Variants in ALG12 observed in about 807,000 individuals in gnomAD.
The protein encoded by ALG12 is ALG12 alpha-1,6-mannosyltransferase.
ALG12 carries 36 observed loss-of-function variants against 46.0 expected under a neutral mutation model. The ratio of observed to expected loss-of-function variants is 0.78; its 90% CI spans 0.60 to 1.03. ALG12 has a LOEUF of 1.03. ALG12 is among the 50% of genes least tolerant of loss of function. The pLI, the probability that ALG12 is intolerant of heterozygous loss-of-function variation, is 0.00. For missense variants in ALG12, 599 were observed against 633.5 expected (o/e 0.95, Z 0.58); for synonymous variants, 326 against 291.6 (o/e 1.12, Z -1.20).
In ALG12 at chr22:49,905,489, T is replaced by A. The variant is rs1350575375; in HGVS notation, c.993-983A>T. Among the ~76,000 whole-genome samples, 2 of 152,144 alleles carry A rather than the reference T, an allele frequency of 1.3e-5. No homozygotes were observed. The highest frequency in any genetic ancestry group is 4.8e-5 in the African/African-American group (2 of 41,432). Reference sequence around the variant, plus strand: ...GGAGGTGGAGCCCTCAGGAATGGATTAGCGCCATCCCCTCCATGCTGTTCT... The same window carrying A: ...GGAGGTGGAGCCCTCAGGAATGGATAAGCGCCATCCCCTCCATGCTGTTCT... On this transcript the variant is annotated intron_variant, in intron 7 of 9. Transcript: ENST00000330817. This position sits in a 1 kb window ranked among gnomAD's most constrained non-coding sequence, Gnocchi z 4.9.
intron 1 of ALG12, among the ~76,000 whole-genome samples, chr22:49,917,657 G>A (rs1393138475): frequency 6.6e-6 from 1 of 150,958 alleles, no homozygotes; most frequent in Non-Finnish European, 1.5e-5. Flanking sequence ...GACAAAGTGA[G>A]ACTCCGTCTC....
chr22:49,898,571 G>T (rs2060492698), downstream of ALG12, among the ~76,000 whole-genome samples: 1 of 151,862 alleles, frequency 6.6e-6, no homozygotes, highest in Non-Finnish European at 1.5e-5. Context: ...TGTATTTTTA[G>T]TAGAGACGGG....
rs116765369 is a variant in ALG12, at chr22:49,903,558, C to T, written c.*280G>A. On this transcript the variant is annotated 3_prime_UTR_variant, in exon 10 of 10. Transcript: ENST00000330817. ...AGTCATGAATGGCACCTGGTCTGGG[C>T]GACAGTCACCCGCAGGAAGCCCTGA... is the stretch of plus-strand genomic sequence containing the variant. 7.4e-3 allele frequency: 4,605 copies of T among 622,026 alleles called. 158 individuals are homozygous for T. The highest frequency in any genetic ancestry group is 0.072 in the African/African-American group (4,027 of 55,662). 38.5% of individuals were successfully genotyped at this position (622,026 alleles called of 1,614,324 possible).
At chr22:49,910,332 A>G (rs2060569030) in intron 4 of ALG12, 102 bp downstream of exon 4, 1 of 1,382,154 alleles carries the variant, frequency 7.2e-7, no homozygotes, top group South Asian at 1.2e-5. Flanking sequence ...CCAGTGGGGA[A>G]TGGCCATTAC....
chr22:49,910,211 G>T lies in ALG12; in HGVS notation c.470-123C>A, dbSNP rs1391805336. Reference sequence around the variant, plus strand: ...AAAGCCACACAAATATCCCAGAAAAGAAACTGCTCAGAGCCGCTCCCCGCA... The same window carrying T: ...AAAGCCACACAAATATCCCAGAAAATAAACTGCTCAGAGCCGCTCCCCGCA... On this transcript the variant is annotated intron_variant, in intron 4 of 9. Transcript: ENST00000330817. 5 of 1,281,150 alleles carry T rather than the reference G, an allele frequency of 3.9e-6. No individual in the cohort carries two copies. In the East Asian group the frequency reaches 1.0e-4, roughly 26 times the overall value. The allele number at this position is 1,281,150 out of a possible 1,614,324, so 79.4% of individuals were successfully genotyped here.
the ALG12 span, among the ~76,000 whole-genome samples, chr22:49,865,643 C>T: frequency 1.3e-5 from 2 of 152,054 alleles, no homozygotes; most frequent in African/African-American, 4.8e-5. Flanking sequence ...CCACTGCACT[C>T]CAGTCTGGGC....
At chr22:49,895,137 CATT>C in the ALG12 span, among the ~76,000 whole-genome samples, 1 of 127,106 alleles carries the variant, frequency 7.9e-6, no homozygotes, top group Non-Finnish European at 1.9e-5. Flanking sequence ...AAACCCACTT[CATT>C]ATTTTATAGG....
the ALG12 span, among the ~76,000 whole-genome samples, chr22:49,880,451 C>T: frequency 3.3e-5 from 5 of 152,236 alleles, no homozygotes; most frequent in African/African-American, 7.2e-5. Context: ...TCCGACTCCC[C>T]GCCCCGCAGC....
Position 49,901,588 on chromosome 22 carries a change from T to G in ALG12, c.*2250A>C, listed in dbSNP as rs1165550355. On this transcript the variant is annotated 3_prime_UTR_variant, in exon 10 of 10. Transcript: ENST00000330817. ...TGCATTGTGTGGTGTGTATGCATGG[T>G]GTGTGCACCTGTGCATTGTGTGTGT... 1 of 149,306 alleles carries G rather than the reference T, an allele frequency of 6.7e-6. No homozygotes were observed. The highest frequency in any genetic ancestry group is 1.5e-5 in the Non-Finnish European group (1 of 67,732). 9.2% of individuals were successfully genotyped at this position (149,306 alleles called of 1,614,324 possible).
the ALG12 span, chr22:49,890,059 A>C: frequency 1.3e-4 from 22 of 165,812 alleles, no homozygotes; most frequent in African/African-American, 4.8e-4. Flanking sequence ...AAAAAATAAA[A>C]ACTTTATTTC....
chr22:49,885,841 G>A, the ALG12 span: 1 of 1,497,416 alleles, frequency 6.7e-7, no homozygotes. Flanking sequence ...TGAGAGTGGT[G>A]TGATCCACTT....
At chr22:49,911,725 T>A (rs188774935) in intron 3 of ALG12, among the ~76,000 whole-genome samples, 1 of 152,258 alleles carries the variant, frequency 6.6e-6, no homozygotes, top group East Asian at 1.9e-4. Flanking sequence ...TGAGCCACCA[T>A]GCCCAGTCTG....
chr22:49,882,458 T>C, the ALG12 span, among the ~76,000 whole-genome samples: 5 of 152,242 alleles, frequency 3.3e-5, no homozygotes, highest in Non-Finnish European at 7.3e-5. Flanking sequence ...CTGGTTTTAT[T>C]ATAGAATATT....
Position 49,917,846 on chromosome 22 carries a change from C to T in ALG12, c.-79+417G>A, listed in dbSNP as rs967754862. Among the ~76,000 whole-genome samples, 3 of 137,220 alleles carry T rather than the reference C, an allele frequency of 2.2e-5. No homozygotes were observed. The South Asian group carries it at 7.4e-4, about 34-fold the overall frequency. The allele number at this position is 137,220 out of a possible 152,430, so 90.0% of individuals were successfully genotyped here. A position where few individuals can be genotyped will look rare whatever the true frequency, so the allele number is the denominator to read the frequency against. On this transcript the variant is annotated intron_variant, in intron 1 of 9. Coordinates refer to ENST00000330817, the MANE Select transcript of ALG12 (RefSeq NM_024105.4). ...GAACATGAGCGAGTGTTCATCACCT[C>T]AAGCGCCTGTAGAAATGCAGATCCC...
At chr22:49,883,363 C>T in the ALG12 span, 4 of 260,394 alleles carry the variant, frequency 1.5e-5, no homozygotes, top group African/African-American at 6.5e-5. Context: ...TGTATGCTCT[C>T]AAGATGATCA....
intron 3 of ALG12, among the ~76,000 whole-genome samples, chr22:49,912,572 C>A (rs570619319): frequency 9.2e-5 from 14 of 152,348 alleles, no homozygotes; most frequent in African/African-American, 3.4e-4. Flanking sequence ...AGAAGCAGAA[C>A]TGCTCCTTCC....
At chr22:49,915,295 A>G (rs543789890) in intron 1 of ALG12, among the ~76,000 whole-genome samples, 28 of 152,250 alleles carry the variant, frequency 1.8e-4, no homozygotes, top group Non-Finnish European at 4.1e-4. Context: ...GCGGTGGCTC[A>G]TTCCCATAAT....
chr22:49,875,315 G>C, the ALG12 span, among the ~76,000 whole-genome samples: 2 of 151,332 alleles, frequency 1.3e-5, no homozygotes, highest in Non-Finnish European at 2.9e-5. Flanking sequence ...TCAACTATAA[G>C]TTCAATTTGT....
At position 49,900,995 on chromosome 22, in the gene ALG12, G is replaced by A. The variant is rs922314494; in HGVS notation, c.*2843C>T. 7 of 152,274 alleles carry A rather than the reference G, an allele frequency of 4.6e-5. No individual in the cohort carries two copies. The highest frequency in any genetic ancestry group is 1.4e-4 in the African/African-American group (6 of 41,460). 9.4% of individuals were successfully genotyped at this position (152,274 alleles called of 1,614,324 possible). On this transcript the variant is annotated 3_prime_UTR_variant, in exon 10 of 10. Coordinates refer to ENST00000330817, the MANE Select transcript of ALG12 (RefSeq NM_024105.4). ...GCCGAGGCCAGAGGCCCAAGAGGAC[G>A]CCCTGCCATGCCTGGTCATGAGGAG...
Sources: allele counts gnomAD v4.1 joint callset (sites outside exome capture counted in the v4.1 genomes callset), GRCh38; gene constraint gnomAD v4.1.1; non-coding constraint Gnocchi (gnomAD v3.1); transcripts MANE v1.5; gene names NCBI Gene and HGNC (gene_info 2026-07-23, HGNC 2026-07-21).